TCF12: variants seen among roughly 807,000 people sequenced by gnomAD.
TCF12 encodes DNA-binding protein HTF4.
TCF12 carries 45 observed loss-of-function variants against 86.0 expected under a neutral mutation model. That is an observed-to-expected ratio of 0.52 (90% CI 0.41 to 0.67). TCF12 has a LOEUF of 0.67. TCF12 is among the 30% of genes least tolerant of loss of function. TCF12 has a pLI of 0.00. For synonymous variants in TCF12, 330 were observed against 299.6 expected (o/e 1.10, Z -1.05); for missense variants, 881 against 859.9 (o/e 1.02, Z -0.31).
intron 8 of TCF12, among the ~76,000 whole-genome samples, chr15:57,223,653 T>TGTTTGTTTG (rs1555400235): frequency 1.5e-5 from 2 of 135,294 alleles, no homozygotes; most frequent in African/African-American, 5.5e-5. Context: ...GTTTTTTTTT[T>TGTTTGTTTG]TTTTTTTTTT....
chr15:57,228,444 G>T (rs1319123319), intron 8 of TCF12, among the ~76,000 whole-genome samples: 1 of 151,682 alleles, frequency 6.6e-6, no homozygotes, highest in African/African-American at 2.4e-5. Flanking sequence ...TCATTTATAA[G>T]GTCTGTCCTT....
intron 17 of TCF12, among the ~76,000 whole-genome samples, chr15:57,262,787 T>A (rs78306563): frequency 0.032 from 4,842 of 152,294 alleles, 270 homozygotes; most frequent in African/African-American, 0.11. Flanking sequence ...TTATGTCCTT[T>A]ACCTCTGCAA....
intron 8 of TCF12, 53 bp downstream of exon 8, chr15:57,197,878 T>C (rs1255962879): frequency 6.4e-7 from 1 of 1,569,712 alleles, no homozygotes; most frequent in African/African-American, 1.4e-5. Flanking sequence ...TTTCAAGTGT[T>C]CCGTATTACC....
chr15:56,994,126 G>C (rs1379563105), intron 3 of TCF12, among the ~76,000 whole-genome samples: 1 of 152,130 alleles, frequency 6.6e-6, no homozygotes, highest in Non-Finnish European at 1.5e-5. Context: ...GTCAATAGCA[G>C]AATGTAATGG....
chr15:57,079,599 C>T (rs2070448936), intron 4 of TCF12, among the ~76,000 whole-genome samples: 2 of 152,124 alleles, frequency 1.3e-5, no homozygotes, highest in African/African-American at 2.4e-5. Context: ...AAAATCCCTC[C>T]GCTGTGTGAT....
intron 12 of TCF12, among the ~76,000 whole-genome samples, chr15:57,236,049 T>C (rs2059367720): frequency 6.6e-6 from 1 of 152,198 alleles, no homozygotes; most frequent in African/African-American, 2.4e-5. Flanking sequence ...TTGGTTGTCA[T>C]GGAAACTCAG....
chr15:56,990,747 A>G (rs187324139), intron 3 of TCF12, among the ~76,000 whole-genome samples: 1 of 152,192 alleles, frequency 6.6e-6, no homozygotes, highest in Admixed American at 6.5e-5. Context: ...AGCTTTGACC[A>G]GAACACCTAC....
intron 5 of TCF12, among the ~76,000 whole-genome samples, chr15:57,120,436 T>G (rs144311338): frequency 2.0e-5 from 3 of 152,192 alleles, no homozygotes; most frequent in Non-Finnish European, 4.4e-5. Flanking sequence ...GCTCAATAAT[T>G]GTTTGTTGAA....
intron 3 of TCF12, among the ~76,000 whole-genome samples, chr15:57,007,396 C>T (rs1379764515): frequency 5.3e-5 from 8 of 152,018 alleles, no homozygotes; most frequent in South Asian, 2.1e-4. Context: ...TTCTGTTTGA[C>T]GTGTATTCTG....
intron 3 of TCF12, among the ~76,000 whole-genome samples, chr15:57,014,862 TTTATTATTATTA>T (rs139828642): frequency 4.0e-4 from 58 of 145,394 alleles, no homozygotes; most frequent in Admixed American, 6.2e-4. Context: ...TCTCTGGACC[TTTATTATTATTA>T]TTATTATTAT....
intron 6 of TCF12, among the ~76,000 whole-genome samples, chr15:57,184,244 A>G (rs564106193): frequency 2.0e-5 from 3 of 152,314 alleles, no homozygotes; most frequent in African/African-American, 7.2e-5. Context: ...ACACTGTTGC[A>G]TGAAAACAGC....
chr15:56,963,237 T>G (rs2061851884), intron 3 of TCF12, among the ~76,000 whole-genome samples: 1 of 152,140 alleles, frequency 6.6e-6, no homozygotes, highest in African/African-American at 2.4e-5. Context: ...CTTGGGAATG[T>G]GGGGCAATAT....
rs946161473 is a variant in TCF12, at chr15:57,050,571, A to T, written c.149-13179A>T. On this transcript the variant is annotated intron_variant, in intron 3 of 20. Coordinates refer to ENST00000333725, the MANE Select transcript of TCF12 (RefSeq NM_207037.2). ...CTCCTACTTAGAGACTGCCGAGTTC[A>T]TTGGATCTACAGTTTTTTCACTGAT... Among the ~76,000 whole-genome samples the T allele has an allele frequency of 2.0e-5, 3 of 152,134 alleles. No homozygotes were observed. The South Asian group carries it at 6.2e-4, about 32-fold the overall frequency.
intron 18 of TCF12, among the ~76,000 whole-genome samples, chr15:57,263,825 C>A (rs1474957880): frequency 6.6e-6 from 1 of 152,048 alleles, no homozygotes; most frequent in Non-Finnish European, 1.5e-5. Context: ...ATTTGTGTAT[C>A]TAAACACCTA....
intron 6 of TCF12, among the ~76,000 whole-genome samples, chr15:57,166,851 A>G (rs1249758126): frequency 6.6e-6 from 1 of 152,180 alleles, no homozygotes; most frequent in Non-Finnish European, 1.5e-5. Context: ...TATTGGAAGT[A>G]TTTTGTTTTC....
At chr15:57,026,440 G>A (rs2065828968) in intron 3 of TCF12, among the ~76,000 whole-genome samples, 1 of 152,198 alleles carries the variant, frequency 6.6e-6, no homozygotes. Context: ...AGTCCAGCAT[G>A]CTGTTGGTAG....
intron 5 of TCF12, chr15:57,118,407 C>G (rs1885538998): frequency 6.6e-6 from 1 of 152,140 alleles, no homozygotes; most frequent in Non-Finnish European, 1.5e-5. Flanking sequence ...GTCCTCTTTT[C>G]CCTTTAGTGG....
At chr15:56,956,227 T>C (rs1030562461) in intron 3 of TCF12, among the ~76,000 whole-genome samples, 1 of 151,932 alleles carries the variant, frequency 6.6e-6, no homozygotes, top group Admixed American at 6.6e-5. Flanking sequence ...TTGATATGAC[T>C]GTGTTTGAAT....
At chr15:57,135,587 A>G (rs2052463051) in intron 5 of TCF12, among the ~76,000 whole-genome samples, 1 of 152,224 alleles carries the variant, frequency 6.6e-6, no homozygotes, top group Non-Finnish European at 1.5e-5. Flanking sequence ...TGCTTATTAA[A>G]TAGTAGCCCT....
Sources: allele counts gnomAD v4.1 joint callset (sites outside exome capture counted in the v4.1 genomes callset), GRCh38; gene constraint gnomAD v4.1.1; transcripts MANE v1.5; gene names NCBI Gene and HGNC (gene_info 2026-07-23, HGNC 2026-07-21).